FIP1L1: variants seen among roughly 807,000 people sequenced by gnomAD.
FIP1L1 encodes pre-mRNA 3'-end-processing factor FIP1.
FIP1L1 carries 21 observed loss-of-function variants against 84.6 expected under a neutral mutation model. That is an observed-to-expected ratio of 0.25 (90% CI 0.18 to 0.36). The LOEUF (loss-of-function observed/expected upper bound fraction) is 0.36. Among genes scored for constraint, FIP1L1 ranks in the 10% least tolerant of loss-of-function variants. The pLI is 1.00. For missense variants in FIP1L1, 526 were observed against 751.1 expected (o/e 0.70, Z 3.50); for synonymous variants, 263 against 242.3 (o/e 1.09, Z -0.80).
intron 13 of FIP1L1, among the ~76,000 whole-genome samples, chr4:53,430,325 C>T (rs1163931526): frequency 2.2e-5 from 3 of 136,214 alleles, no homozygotes; most frequent in African/African-American, 8.0e-5. Flanking sequence ...TACTTTTTTT[C>T]AAAATGATAA....
At chr4:53,443,413 TA>T (rs1772851682) in intron 14 of FIP1L1, among the ~76,000 whole-genome samples, 1 of 152,154 alleles carries the variant, frequency 6.6e-6, no homozygotes, top group South Asian at 2.1e-4. Context: ...TAGAAATCAC[TA>T]ATAAGAGTTA....
chr4:53,403,554 T>C (rs1751389413), intron 10 of FIP1L1, among the ~76,000 whole-genome samples: 1 of 152,232 alleles, frequency 6.6e-6, no homozygotes, highest in Non-Finnish European at 1.5e-5. Flanking sequence ...TGACAAACTC[T>C]TGGAAAGCAT....
Position 53,389,801 on chromosome 4 carries a change from G to GT in FIP1L1, c.333-3dup. 6.3e-7 allele frequency: 1 copy of GT among 1,591,232 alleles called. No homozygotes were observed. Among genetic ancestry groups the GT allele is most frequent in the Non-Finnish European group, 8.5e-7 (1 of 1,170,976 alleles). On this transcript the variant is annotated splice_polypyrimidine_tract_variant and splice_region_variant and intron_variant, in intron 5 of 17. Coordinates refer to ENST00000337488, the MANE Select transcript of FIP1L1 (RefSeq NM_030917.4). ...AATTTCTGTTTTTTTTTGTTTGTTT[G>GT]TTTTTAGGAGTTATGGTACAGCACC...
intron 5 of FIP1L1, among the ~76,000 whole-genome samples, chr4:53,387,274 G>A (rs768705596): frequency 2.0e-5 from 3 of 152,222 alleles, no homozygotes; most frequent in Non-Finnish European, 4.4e-5. Flanking sequence ...GCCAGCCTGG[G>A]CAATATAGTA....
At chr4:53,452,133 C>T (rs1292823553) in intron 15 of FIP1L1, among the ~76,000 whole-genome samples, 4 of 152,096 alleles carry the variant, frequency 2.6e-5, no homozygotes, top group East Asian at 1.9e-4. Flanking sequence ...CCACCCACCT[C>T]GGCCTCCCAA....
intron 10 of FIP1L1, among the ~76,000 whole-genome samples, chr4:53,403,521 T>C (rs1439516494): frequency 1.3e-5 from 2 of 152,226 alleles, no homozygotes; most frequent in Non-Finnish European, 2.9e-5. Flanking sequence ...ATTCCTGTAG[T>C]GTAAAAATCC....
At chr4:53,426,439 G>A (rs565140565) in intron 12 of FIP1L1, among the ~76,000 whole-genome samples, 5 of 152,140 alleles carry the variant, frequency 3.3e-5, no homozygotes, top group African/African-American at 4.8e-5. Context: ...ATTGTGATCC[G>A]TCACATGTGA....
chr4:53,426,140 C>A (rs1283097914), intron 12 of FIP1L1, among the ~76,000 whole-genome samples, 175 bp downstream of exon 12: 1 of 151,958 alleles, frequency 6.6e-6, no homozygotes, highest in Non-Finnish European at 1.5e-5. Context: ...AATTTATAAT[C>A]TCTGAATCTT....
intron 16 of FIP1L1, among the ~76,000 whole-genome samples, chr4:53,457,664 A>C (rs180787734): frequency 3.2e-4 from 49 of 152,284 alleles, no homozygotes; most frequent in Admixed American, 7.9e-4. Context: ...TTCATAATTC[A>C]TATTAAACAC....
chr4:53,378,063 C>G (rs1360625515), intron 1 of FIP1L1, 140 bp downstream of exon 1: 2 of 677,110 alleles, frequency 3.0e-6, no homozygotes, highest in African/African-American at 3.8e-5. Flanking sequence ...TTAGGCCGAG[C>G]GCGGCGTGCG....
At chr4:53,418,625 T>A (rs1370181011) in intron 11 of FIP1L1, among the ~76,000 whole-genome samples, 1 of 152,222 alleles carries the variant, frequency 6.6e-6, no homozygotes, top group Non-Finnish European at 1.5e-5. Context: ...TTTATTTTTT[T>A]ATTTTGTTTC....
chr4:53,444,389 G>A (rs1421015949), intron 15 of FIP1L1, among the ~76,000 whole-genome samples: 4 of 152,050 alleles, frequency 2.6e-5, no homozygotes, highest in South Asian at 2.1e-4. Context: ...CTCAATCTTC[G>A]TTGTTTGTAA....
At chr4:53,383,620 C>T (rs1221706918) in intron 4 of FIP1L1, among the ~76,000 whole-genome samples, 153 bp from the exon 5 acceptor site, 1 of 151,862 alleles carries the variant, frequency 6.6e-6, no homozygotes, top group African/African-American at 2.4e-5. Context: ...TGAGATCATG[C>T]CACTGCACTC....
intron 9 of FIP1L1, among the ~76,000 whole-genome samples, chr4:53,393,728 A>G (rs1745557503): frequency 7.6e-6 from 1 of 131,274 alleles, no homozygotes; most frequent in Non-Finnish European, 1.6e-5. Flanking sequence ...AATATTTTTT[A>G]TTCATTTGTG....
At chr4:53,440,578 T>G in intron 13 of FIP1L1, 1 of 1,505,816 alleles carries the variant, frequency 6.6e-7, no homozygotes, top group South Asian at 1.2e-5. Flanking sequence ...CACTTGTTTT[T>G]TAGGTATTCC....
At chr4:53,393,488 C>T (rs1011932743) in intron 9 of FIP1L1, among the ~76,000 whole-genome samples, 3 of 152,110 alleles carry the variant, frequency 2.0e-5, no homozygotes, top group Non-Finnish European at 4.4e-5. Context: ...CAACACTTAA[C>T]AGTGTTTTGA....
intron 1 of FIP1L1, 180 bp downstream of exon 1, chr4:53,378,103 G>A: frequency 2.0e-6 from 1 of 512,464 alleles, no homozygotes; most frequent in Non-Finnish European, 3.3e-6. Flanking sequence ...GCGGTCTCCC[G>A]CCTGGCCCAC....
intron 10 of FIP1L1, among the ~76,000 whole-genome samples, chr4:53,404,676 G>A: frequency 6.6e-6 from 1 of 151,944 alleles, no homozygotes; most frequent in African/African-American, 2.4e-5. Flanking sequence ...AGCACGTGTT[G>A]TTTCCTGACT....
intron 3 of FIP1L1, among the ~76,000 whole-genome samples, chr4:53,379,704 G>T (rs1222800035): frequency 6.6e-6 from 1 of 152,076 alleles, no homozygotes; most frequent in African/African-American, 2.4e-5. Flanking sequence ...GCTATGTATT[G>T]TTTGCATTCA....
Sources: gnomAD v4.1 joint callset for allele counts (sites outside exome capture counted in the v4.1 genomes callset) on GRCh38, gnomAD v4.1.1 for gene constraint, MANE v1.5 for transcripts, NCBI Gene and HGNC (gene_info 2026-07-23, HGNC 2026-07-21) for gene names.